RTTN: variants seen among roughly 807,000 people sequenced by gnomAD.
The protein encoded by RTTN is rotatin.
RTTN carries 182 observed loss-of-function variants against 269.2 expected under a neutral mutation model. The ratio of observed to expected loss-of-function variants is 0.68; its 90% confidence interval spans 0.60 to 0.76. The LOEUF is 0.76. RTTN is among the 30% of genes least tolerant of loss of function. The probability of loss-of-function intolerance (pLI) is 0.00; values close to 1 mark genes in which losing one functional copy is unlikely to be tolerated. For missense variants in RTTN, 2,545 were observed against 2,608.6 expected (o/e 0.98, Z 0.53); for synonymous variants, 1,006 against 963.5 (o/e 1.04, Z -0.82).
At chr18:70,193,513 G>A (rs2061731549) in intron 7 of RTTN, 60 bp from the exon 8 acceptor site, 11 of 1,166,088 alleles carry the variant, frequency 9.4e-6, no homozygotes, top group South Asian at 3.7e-5. Flanking sequence ...CTGACTATGT[G>A]GTATTTATGT....
At chr18:70,134,056 G>A (rs2060061997) in intron 23 of RTTN, among the ~76,000 whole-genome samples, 1 of 152,042 alleles carries the variant, frequency 6.6e-6, no homozygotes, top group African/African-American at 2.4e-5. Flanking sequence ...GTAGAATAAT[G>A]TCCTTAACTT....
intron 18 of RTTN, among the ~76,000 whole-genome samples, chr18:70,145,024 C>T (rs187022921): frequency 3.5e-4 from 54 of 152,294 alleles, no homozygotes; most frequent in Non-Finnish European, 6.0e-4. Context: ...TATTTACAGC[C>T]GCTGCCCATT....
rs201253231 is a variant in RTTN at position 70,017,527 on chromosome 18, A to G, written c.6301T>C (p.Cys2101Arg). The change falls in exon 46 of 49, where the codon TGT becomes CGT. Residue 2101 changes from cysteine (C) to arginine (R), a missense_variant. By Grantham distance (180) the Cys-to-Arg change is radical (BLOSUM62 -3). Transcript: ENST00000640769. ...GQQMILRLDG[C>R]LDLLTEMSKY... The stretch of plus-strand genomic sequence containing the variant: ...CTCATCTCTGTTAGTAAGTCTAGAC[A>G]GCCATCAAGCCTCAGAATCATTTGT... The G allele has an allele frequency of 3.0e-5, 49 of 1,614,110 alleles. No homozygotes were observed. The highest frequency in any genetic ancestry group is 4.1e-5 in the Non-Finnish European group (48 of 1,179,986).
intron 42 of RTTN, 142 bp from the exon 43 acceptor site, chr18:70,028,943 T>G (rs1244638417): frequency 2.0e-6 from 1 of 512,026 alleles, no homozygotes. Flanking sequence ...TTGAGGGAAC[T>G]GACAGGCTAA....
At chr18:70,048,505 T>C (rs925158398) in intron 39 of RTTN, among the ~76,000 whole-genome samples, 16 of 152,244 alleles carry the variant, frequency 1.1e-4, no homozygotes, top group Non-Finnish European at 1.5e-5. Flanking sequence ...GAAACAGTCA[T>C]TATTAATTTC....
intron 46 of RTTN, among the ~76,000 whole-genome samples, chr18:70,016,604 T>C (rs904364643): frequency 3.9e-5 from 6 of 152,156 alleles, no homozygotes; most frequent in African/African-American, 1.2e-4. Flanking sequence ...AGATAACACA[T>C]GGTTGCAGAA....
At chr18:70,184,220 T>C (rs2061482098) in intron 10 of RTTN, among the ~76,000 whole-genome samples, 1 of 152,194 alleles carries the variant, frequency 6.6e-6, no homozygotes. Context: ...GTATAAGACC[T>C]ATACACTGAC....
intron 14 of RTTN, among the ~76,000 whole-genome samples, chr18:70,157,619 G>C (rs1463350170): frequency 1.3e-5 from 2 of 152,098 alleles, no homozygotes; most frequent in Non-Finnish European, 1.5e-5. Context: ...TAACCAAACT[G>C]AAATGGCTAA....
intron 21 of RTTN, among the ~76,000 whole-genome samples, chr18:70,135,783 C>A (rs1481016451): frequency 6.6e-6 from 1 of 152,082 alleles, no homozygotes; most frequent in African/African-American, 2.4e-5. Context: ...GTTTTGGTTC[C>A]TTTTAATTAT....
At chr18:70,059,033 G>C (rs555153447) in intron 36 of RTTN, among the ~76,000 whole-genome samples, 4 of 152,318 alleles carry the variant, frequency 2.6e-5, no homozygotes, top group Non-Finnish European at 5.9e-5. Context: ...CAGAGAGACA[G>C]AGAAATGCAA....
rs1007039630 is a variant in RTTN, at chr18:70,048,152, C to T, written c.5360G>A (p.Cys1787Tyr). 6.2e-7 allele frequency: 1 copy of T among 1,614,052 alleles called. No individual in the cohort carries two copies. Among genetic ancestry groups the T allele is most frequent in the South Asian group, 1.1e-5 (1 of 91,076 alleles). ...FCTCAGLSATCPALYTASLQF... is the reference protein window; with the variant it reads ...FCTCAGLSATYPALYTASLQF... ...CAAGCTGGCAGTATACAGGGCAGGA[C>T]ACGTGGCAGACAAGCCTGCACATGT... The change falls in exon 40 of 49, where the codon TGT (cysteine) becomes TAT (tyrosine). Residue 1787 changes from cysteine (C) to tyrosine (Y), a missense_variant. Transcript: ENST00000640769.
intron 28 of RTTN, among the ~76,000 whole-genome samples, chr18:70,105,483 T>C (rs2059297604): frequency 6.6e-6 from 1 of 152,180 alleles, no homozygotes; most frequent in African/African-American, 2.4e-5. Flanking sequence ...CTGCTCACAG[T>C]CCGTGGGCTG....
intron 17 of RTTN, among the ~76,000 whole-genome samples, chr18:70,146,454 T>G (rs909247826): frequency 3.9e-5 from 6 of 152,296 alleles, no homozygotes; most frequent in African/African-American, 1.4e-4. Context: ...GACAACCATG[T>G]ATCTGTCACT....
At chr18:70,158,684 G>A (rs768501622) in intron 14 of RTTN, among the ~76,000 whole-genome samples, 1 of 152,058 alleles carries the variant, frequency 6.6e-6, no homozygotes, top group Non-Finnish European at 1.5e-5. Flanking sequence ...CCAACTATAT[G>A]CTGTCAAGAG....
chr18:70,006,884 A>G (rs2056206762), intron 46 of RTTN: 1 of 163,032 alleles, frequency 6.1e-6, no homozygotes, highest in Non-Finnish European at 1.3e-5. Context: ...TCATACAAAC[A>G]CATCAGTAGC....
At chr18:70,165,890 G>C (rs1202310952) in intron 14 of RTTN, among the ~76,000 whole-genome samples, 172 bp downstream of exon 14, 1 of 152,102 alleles carries the variant, frequency 6.6e-6, no homozygotes, top group Non-Finnish European at 1.5e-5. Context: ...ACTAAGTTAA[G>C]AGAATTTAAT....
chr18:70,162,716 G>C (rs1285313291), intron 14 of RTTN, among the ~76,000 whole-genome samples: 1 of 151,788 alleles, frequency 6.6e-6, no homozygotes, highest in East Asian at 1.9e-4. Context: ...TGAGATTTGG[G>C]TGGGGACACA....
At chr18:70,186,107 T>TAGATGTTGA (rs1221508176) in intron 10 of RTTN, among the ~76,000 whole-genome samples, 2 of 141,536 alleles carry the variant, frequency 1.4e-5, no homozygotes, top group Non-Finnish European at 3.0e-5. Context: ...CTGAACATAA[T>TAGATGTTGA]AGATGTTGAA....
At chr18:70,057,930 C>T in intron 36 of RTTN, 98 bp from the exon 37 acceptor site, 1 of 743,206 alleles carries the variant, frequency 1.3e-6, no homozygotes. Context: ...AACTCGAATA[C>T]AATTCAAGAG....
Sources: allele counts gnomAD v4.1 joint callset (sites outside exome capture counted in the v4.1 genomes callset), GRCh38; gene constraint gnomAD v4.1.1; transcripts MANE v1.5; gene names NCBI Gene and HGNC (gene_info 2026-07-23, HGNC 2026-07-21).